TXNDC16: variants seen among roughly 807,000 people sequenced by gnomAD.
The protein encoded by TXNDC16 is thioredoxin domain containing 16.
TXNDC16 carries 74 observed loss-of-function variants against 85.6 expected under a neutral mutation model. The observed-to-expected ratio is 0.86, with a 90% CI of 0.72 to 1.05. TXNDC16 has a LOEUF of 1.05. TXNDC16 is among the 50% of genes least tolerant of loss of function. The pLI is 0.00. For synonymous variants in TXNDC16, 335 were observed against 326.5 expected (o/e 1.03, Z -0.28); for missense variants, 959 against 947.0 (o/e 1.01, Z -0.17).
At chr14:52,499,960 A>ATATTTT (rs1217307065) in intron 9 of TXNDC16, among the ~76,000 whole-genome samples, 1 of 152,126 alleles carries the variant, frequency 6.6e-6, no homozygotes, top group Non-Finnish European at 1.5e-5. Context: ...TTTTATTGTT[A>ATATTTT]TATTTTTATT....
At chr14:52,548,928 G>A (rs115275417) in intron 1 of TXNDC16, among the ~76,000 whole-genome samples, 3 of 152,120 alleles carry the variant, frequency 2.0e-5, no homozygotes, top group African/African-American at 4.8e-5. Flanking sequence ...TAATGTTTCC[G>A]GGTTGTTTCC....
chr14:52,482,362 T>A, intron 13 of TXNDC16, 73 bp from the exon 14 acceptor site: 2 of 1,262,038 alleles, frequency 1.6e-6, no homozygotes, highest in Non-Finnish European at 2.3e-6. Context: ...ATGTAACAAA[T>A]ATACAGATTT....
intron 14 of TXNDC16, among the ~76,000 whole-genome samples, chr14:52,475,500 T>C (rs1002022333): frequency 2.6e-5 from 4 of 152,162 alleles, no homozygotes; most frequent in African/African-American, 9.7e-5. Flanking sequence ...GAAGTGAGAC[T>C]GGCCCTTTGG....
chr14:52,453,314 A>G (rs902558473), intron 18 of TXNDC16, among the ~76,000 whole-genome samples: 4 of 152,218 alleles, frequency 2.6e-5, no homozygotes, highest in Admixed American at 2.6e-4. Context: ...ACCATTCAGC[A>G]ATGTGACTCC....
chr14:52,529,535 A>C (rs1241010281), intron 6 of TXNDC16, among the ~76,000 whole-genome samples: 1 of 103,088 alleles, frequency 9.7e-6, no homozygotes, highest in African/African-American at 4.0e-5. Flanking sequence ...ATTATATATA[A>C]TGCCTATTAT....
chr14:52,530,187 T>TAA (rs2037472510), intron 6 of TXNDC16, among the ~76,000 whole-genome samples: 1 of 85,168 alleles, frequency 1.2e-5, no homozygotes, highest in Non-Finnish European at 2.0e-5. Flanking sequence ...TATAAATATA[T>TAA]TATATTTATA....
Position 52,490,514 on chromosome 14 carries a change from C to G in TXNDC16, c.924-63G>C, listed in dbSNP as rs1422317614. 4.9e-6 allele frequency: 6 copies of G among 1,234,528 alleles called. No homozygotes were observed. The Admixed American group carries it at 1.5e-4, about 30-fold the overall frequency. The allele number at this position is 1,234,528 out of a possible 1,614,324, so 76.5% of individuals were successfully genotyped here. On this transcript the variant is annotated intron_variant, in intron 10 of 20. Coordinates refer to ENST00000281741, the MANE Select transcript of TXNDC16 (RefSeq NM_020784.3). ...TCTGAAGAATAATAGTCACCCAGGA[C>G]TTCAATAGAAAATAGAACTACATTC...
At chr14:52,501,604 A>T (rs557495005) in intron 9 of TXNDC16, among the ~76,000 whole-genome samples, 1 of 152,322 alleles carries the variant, frequency 6.6e-6, no homozygotes, top group Admixed American at 6.5e-5. Flanking sequence ...ATAAGAATAA[A>T]GCAAGAAACA....
At chr14:52,461,360 CT>C (rs1423220708) in intron 16 of TXNDC16, among the ~76,000 whole-genome samples, 1 of 151,422 alleles carries the variant, frequency 6.6e-6, no homozygotes, top group Non-Finnish European at 1.5e-5. Context: ...ATATATTTAG[CT>C]TTTTTATATC....
At position 52,514,986 on chromosome 14, in the gene TXNDC16, AG is replaced by A; in HGVS notation, c.515-17del. On this transcript the variant is annotated splice_polypyrimidine_tract_variant and intron_variant, in intron 7 of 20. Transcript: ENST00000281741. The stretch of plus-strand genomic sequence containing the variant: ...GCTCTGTGCTCTGAAGAAGAGATAA[AG>A]GGAGTTGGAAGACAGGAAAAAATAG... 1 of 1,595,964 alleles carries A rather than the reference AG, an allele frequency of 6.3e-7. No homozygotes were observed. The highest frequency in any genetic ancestry group is 8.6e-7 in the Non-Finnish European group (1 of 1,168,814).
At chr14:52,502,264 G>T (rs551642482) in intron 9 of TXNDC16, among the ~76,000 whole-genome samples, 8 of 152,194 alleles carry the variant, frequency 5.3e-5, no homozygotes, top group Non-Finnish European at 1.0e-4. Flanking sequence ...GGAAAAAAAA[G>T]TTCAAACAAA....
At chr14:52,494,397 T>A (rs1462071819) in intron 9 of TXNDC16, among the ~76,000 whole-genome samples, 1 of 152,110 alleles carries the variant, frequency 6.6e-6, no homozygotes, top group Non-Finnish European at 1.5e-5. Flanking sequence ...TGGCAAGGGC[T>A]TGAGAGCAGC....
intron 9 of TXNDC16, among the ~76,000 whole-genome samples, chr14:52,504,198 C>G (rs1465668323): frequency 6.6e-6 from 1 of 152,122 alleles, no homozygotes; most frequent in Non-Finnish European, 1.5e-5. Flanking sequence ...GGCCAACATT[C>G]AGATTCAGGA....
At chr14:52,455,141 T>G (rs2035502445) in intron 18 of TXNDC16, among the ~76,000 whole-genome samples, 183 bp downstream of exon 18, 1 of 152,172 alleles carries the variant, frequency 6.6e-6, no homozygotes, top group Admixed American at 6.6e-5. Context: ...CTTTTAGCAG[T>G]GGACTCAAAA....
Position 52,509,286 on chromosome 14 carries a change from C to T in TXNDC16, c.756+1954G>A, listed in dbSNP as rs552709223. Among the ~76,000 whole-genome samples the T allele has an allele frequency of 1.1e-4, 17 of 152,120 alleles. No individual in the cohort carries two copies. The South Asian group carries it at 1.2e-3, about 11-fold the overall frequency. ...TAGGTATGAGTCCTAATCTTACCCCCGATGGTGAAGGACAAAATCCTGAGA... is the reference window on the plus strand; with the variant it reads ...TAGGTATGAGTCCTAATCTTACCCCTGATGGTGAAGGACAAAATCCTGAGA... On this transcript the variant is annotated intron_variant, in intron 9 of 20. Transcript: ENST00000281741.
Position 52,461,479 on chromosome 14 carries a change from T to G in TXNDC16, c.1619-4305A>C, listed in dbSNP as rs145283884. On this transcript the variant is annotated intron_variant, in intron 16 of 20. Transcript: ENST00000281741. Reference sequence around the variant, plus strand: ...TCAGACATTTTATTATTATTTAACATGACTTAAAGATTTTTAATTATTGGA... The same window carrying G: ...TCAGACATTTTATTATTATTTAACAGGACTTAAAGATTTTTAATTATTGGA... Among the ~76,000 whole-genome samples, 107 of 152,328 alleles carry G rather than the reference T, an allele frequency of 7.0e-4. 2 individuals carry two copies. The East Asian group carries it at 0.02, about 28-fold the overall frequency.
chr14:52,433,679 C>T (rs1007555204), intron 20 of TXNDC16, among the ~76,000 whole-genome samples: 1 of 152,168 alleles, frequency 6.6e-6, no homozygotes, highest in Non-Finnish European at 1.5e-5. Flanking sequence ...CACTCATACT[C>T]AACTATATGA....
At chr14:52,449,078 T>A (rs1404961859) in intron 18 of TXNDC16, among the ~76,000 whole-genome samples, 1 of 150,218 alleles carries the variant, frequency 6.7e-6, no homozygotes, top group Non-Finnish European at 1.5e-5. Flanking sequence ...ATGGCAGGAG[T>A]AAGTCCTTAC....
chr14:52,481,218 A>C (rs1282983008), intron 14 of TXNDC16, among the ~76,000 whole-genome samples: 1 of 151,922 alleles, frequency 6.6e-6, no homozygotes, highest in East Asian at 1.9e-4. Context: ...GGTAAGAAAT[A>C]CAAGGCCACA....
Sources: allele counts gnomAD v4.1 joint callset (sites outside exome capture counted in the v4.1 genomes callset), GRCh38; gene constraint gnomAD v4.1.1; transcripts MANE v1.5; gene names NCBI Gene and HGNC (gene_info 2026-07-23, HGNC 2026-07-21).